Variants in MICU3 observed in about 807,000 individuals in gnomAD.
MICU3 encodes mitochondrial calcium uptake 3.
A neutral mutation model predicts 66.5 loss-of-function variants in MICU3; 62 were observed. That is an observed-to-expected ratio of 0.93 (90% confidence interval 0.76 to 1.15). The LOEUF (loss-of-function observed/expected upper bound fraction) is 1.15. MICU3 is among the 50% of genes most tolerant of loss of function. MICU3 has a pLI of 0.00. For synonymous variants in MICU3, 308 were observed against 240.7 expected (o/e 1.28, Z -2.59); for missense variants, 779 against 664.4 (o/e 1.17, Z -1.90).
chr8:17,114,495 C>A (rs1378194833), intron 12 of MICU3, among the ~76,000 whole-genome samples: 5 of 152,182 alleles, frequency 3.3e-5, no homozygotes, highest in African/African-American at 1.2e-4. Flanking sequence ...TGCCTGCTGA[C>A]TCAGAAACTG....
At chr8:17,108,953 C>A (rs1801974544) in intron 11 of MICU3, among the ~76,000 whole-genome samples, 1 of 152,112 alleles carries the variant, frequency 6.6e-6, no homozygotes, top group Non-Finnish European at 1.5e-5. Context: ...AATCTTCTGT[C>A]TTAGGGCTTT....
the MICU3 span, among the ~76,000 whole-genome samples, chr8:17,129,008 A>G: frequency 6.6e-6 from 1 of 152,164 alleles, no homozygotes; most frequent in Non-Finnish European, 1.5e-5. Flanking sequence ...TCAGTGTTCA[A>G]ATCAGCCAGT....
At chr8:17,072,728 A>G (rs537794593) in intron 3 of MICU3, among the ~76,000 whole-genome samples, 1 of 152,270 alleles carries the variant, frequency 6.6e-6, no homozygotes, top group African/African-American at 2.4e-5. Flanking sequence ...ATATATGTAA[A>G]GGAGGTGAAC....
At chr8:17,104,329 T>G (rs1247762219) in intron 9 of MICU3, 62 bp from the exon 10 acceptor site, 6 of 696,256 alleles carry the variant, frequency 8.6e-6, no homozygotes, top group Non-Finnish European at 1.3e-5. Context: ...TGAGAAATAT[T>G]GGGTATCCCT....
intron 5 of MICU3, 26 bp from the exon 6 acceptor site, chr8:17,085,210 A>T: frequency 6.5e-7 from 1 of 1,533,316 alleles, no homozygotes; most frequent in Non-Finnish European, 8.9e-7. Context: ...CCATTTTGTG[A>T]ATACCTTCTC....
intron 1 of MICU3, among the ~76,000 whole-genome samples, chr8:17,031,262 T>TTTTTTTTTTA (rs111800861): frequency 7.2e-6 from 1 of 139,194 alleles, no homozygotes; most frequent in African/African-American, 2.7e-5. Context: ...TGCCACTTCA[T>TTTTTTTTTTA]TTATTATTAT....
At chr8:17,047,495 C>T (rs1046095098) in intron 1 of MICU3, among the ~76,000 whole-genome samples, 3 of 152,156 alleles carry the variant, frequency 2.0e-5, no homozygotes, top group African/African-American at 7.2e-5. Context: ...AGACATTAAT[C>T]TTCAGATTCA....
At chr8:17,102,269 C>G (rs761634520) in intron 9 of MICU3, among the ~76,000 whole-genome samples, 2 of 151,820 alleles carry the variant, frequency 1.3e-5, no homozygotes, top group Non-Finnish European at 2.9e-5. Context: ...GGAGTAACCT[C>G]TGAAATATTT....
rs181117154 is a variant in MICU3 at position 17,044,742 on chromosome 8, A to T, written c.381+17082A>T. 1.1e-4 allele frequency among the ~76,000 whole-genome samples: 16 copies of T among 152,304 alleles called. 1 individual carries two copies. In the East Asian group the frequency reaches 3.1e-3, roughly 29 times the overall value. On this transcript the variant is annotated intron_variant, in intron 1 of 14. Coordinates refer to ENST00000318063, the MANE Select transcript of MICU3 (RefSeq NM_181723.3). Reference sequence around the variant, plus strand: ...TACAGTTGGCCTCTACAGCAGCTTCAGGCTCAGAGATTATAGTGATTAAGG... The same window carrying T: ...TACAGTTGGCCTCTACAGCAGCTTCTGGCTCAGAGATTATAGTGATTAAGG...
At chr8:17,041,619 C>T (rs768017330) in intron 1 of MICU3, among the ~76,000 whole-genome samples, 1 of 151,568 alleles carries the variant, frequency 6.6e-6, no homozygotes, top group Non-Finnish European at 1.5e-5. Context: ...ATGGAAGACC[C>T]TCGATCGTGT....
intron 11 of MICU3, among the ~76,000 whole-genome samples, chr8:17,108,436 G>A (rs761740265): frequency 6.6e-6 from 1 of 152,142 alleles, no homozygotes; most frequent in Admixed American, 6.5e-5. Context: ...AGACTTAATG[G>A]TTGCAAACCT....
At chr8:17,046,733 C>T (rs1338654932) in intron 1 of MICU3, among the ~76,000 whole-genome samples, 1 of 151,956 alleles carries the variant, frequency 6.6e-6, no homozygotes, top group Non-Finnish European at 1.5e-5. Context: ...GAATTCTCGT[C>T]AAAAGGATGG....
chr8:17,027,672 AG>A lies in MICU3; in HGVS notation c.381+13del, dbSNP rs1230300043. The A allele has an allele frequency of 3.9e-6, 5 of 1,285,140 alleles. No homozygotes were observed. In the African/African-American group the frequency reaches 7.7e-5, roughly 20 times the overall value. 79.6% of individuals were successfully genotyped at this position (1,285,140 alleles called of 1,614,324 possible). ...CTGCCAAGGAGACGGTGAGTGCGCG[AG>A]CGCGCGTCACACCTGCGCGGGGGAT... On this transcript the variant is annotated intron_variant, in intron 1 of 14. Transcript: ENST00000318063.
At chr8:17,052,424 A>G (rs1378334583) in intron 1 of MICU3, among the ~76,000 whole-genome samples, 1 of 152,118 alleles carries the variant, frequency 6.6e-6, no homozygotes, top group African/African-American at 2.4e-5. Context: ...CAGTCACCCT[A>G]CTGTGCTATT....
At position 17,061,436 on chromosome 8, in the gene MICU3, G is replaced by A. The variant is rs550679231; in HGVS notation, c.382-2648G>A. Among the ~76,000 whole-genome samples the A allele has an allele frequency of 1.8e-4, 28 of 152,148 alleles. 1 individual carries two copies. Among genetic ancestry groups the A allele is most frequent in the Non-Finnish European group, 3.4e-4 (23 of 68,022 alleles). Reference sequence around the variant, plus strand: ...GGTAACAGGGTTTGGTAAGCTGGGGGATTGTTAGACTATGCTTAAGGAAAG... The same window carrying A: ...GGTAACAGGGTTTGGTAAGCTGGGGAATTGTTAGACTATGCTTAAGGAAAG... On this transcript the variant is annotated intron_variant, in intron 1 of 14. Coordinates refer to ENST00000318063, the MANE Select transcript of MICU3 (RefSeq NM_181723.3).
chr8:17,124,384 T>G (rs1157500210), downstream of MICU3, among the ~76,000 whole-genome samples: 1 of 152,110 alleles, frequency 6.6e-6, no homozygotes, highest in Non-Finnish European at 1.5e-5. Flanking sequence ...TAGTTATAAT[T>G]AACTTCTCCC....
intron 1 of MICU3, among the ~76,000 whole-genome samples, chr8:17,028,630 G>A (rs1178712570): frequency 6.6e-6 from 1 of 152,216 alleles, no homozygotes; most frequent in Non-Finnish European, 1.5e-5. Context: ...GTGGTGATCT[G>A]ATGTAAGTGC....
chr8:17,064,381 G>C (rs2285260), intron 2 of MICU3, 144 bp downstream of exon 2: 52,008 of 530,316 alleles, frequency 0.098, 4,026 homozygotes, highest in East Asian at 0.35. Context: ...GTTACAGACT[G>C]ATATTTCTTA....
chr8:17,043,859 A>G (rs1814625949), intron 1 of MICU3, among the ~76,000 whole-genome samples: 1 of 152,244 alleles, frequency 6.6e-6, no homozygotes, highest in South Asian at 2.1e-4. Context: ...GGTAAAATAT[A>G]TCCTTCATAC....
Sources: allele counts gnomAD v4.1 joint callset (sites outside exome capture counted in the v4.1 genomes callset), GRCh38; gene constraint gnomAD v4.1.1; transcripts MANE v1.5; gene names NCBI Gene and HGNC (gene_info 2026-07-23, HGNC 2026-07-21).